The following CTNNA2 variants were observed in gnomAD, a reference collection of about 807,000 sequenced individuals.
The protein encoded by CTNNA2 is catenin alpha 2.
In CTNNA2, 42 loss-of-function variants were observed where a neutral mutation model predicts 101.0. The observed-to-expected ratio is 0.42, with a 90% CI of 0.32 to 0.54. The LOEUF is 0.54. Among genes scored for constraint, CTNNA2 ranks in the 20% least tolerant of loss-of-function variants. The pLI is 0.14. For synonymous variants in CTNNA2, 450 were observed against 456.4 expected, an observed-to-expected ratio of 0.99 and a Z score of 0.18; for missense variants, 871 against 1,223.1, an observed-to-expected ratio of 0.71 and a Z score of 4.29.
chr2:80,135,276 G>GT (rs1702630484), intron 7 of CTNNA2, among the ~76,000 whole-genome samples: 1 of 152,158 alleles, frequency 6.6e-6, no homozygotes, highest in Non-Finnish European at 1.5e-5. Flanking sequence ...TGGCAGGAAG[G>GT]CCTGACAAAT....
chr2:80,460,322 T>C (rs1684321002), intron 9 of CTNNA2, among the ~76,000 whole-genome samples: 1 of 152,068 alleles, frequency 6.6e-6, no homozygotes, highest in Non-Finnish European at 1.5e-5. Flanking sequence ...TGGAGAATTA[T>C]AGCACATATT....
intron 1 of CTNNA2, among the ~76,000 whole-genome samples, chr2:79,554,232 G>A (rs1223519981): frequency 6.6e-6 from 1 of 151,396 alleles, no homozygotes. Context: ...ACACAAATCT[G>A]TATTTGAAAG....
chr2:79,651,460 C>G, intron 1 of CTNNA2, 92 bp from the exon 2 acceptor site: 2 of 1,223,196 alleles, frequency 1.6e-6, no homozygotes, highest in South Asian at 1.3e-5. Flanking sequence ...CCAGTATGTT[C>G]TAAGTTTCAG....
At chr2:79,248,389 T>TATATTCTATATATATATTATA (rs1674724889) in intron 2 of CTNNA2, among the ~76,000 whole-genome samples, 1 of 151,644 alleles carries the variant, frequency 6.6e-6, no homozygotes, top group Admixed American at 6.6e-5. Context: ...AAAAGTATAA[T>TATATTCTATATATATATTATA]TTCTATATAT....
chr2:79,441,716 C>A (rs1296898548), intron 4 of CTNNA2, among the ~76,000 whole-genome samples: 2 of 152,106 alleles, frequency 1.3e-5, no homozygotes, highest in African/African-American at 4.8e-5. Context: ...ATATGAGATG[C>A]CCTTTCCCTC....
chr2:79,677,110 G>A (rs1472532384), intron 2 of CTNNA2, among the ~76,000 whole-genome samples: 2 of 152,072 alleles, frequency 1.3e-5, no homozygotes, highest in African/African-American at 4.8e-5. Context: ...TTTTGCACTT[G>A]TTTTCAAATA....
At chr2:80,131,511 T>A (rs1702413340) in intron 7 of CTNNA2, among the ~76,000 whole-genome samples, 1 of 152,190 alleles carries the variant, frequency 6.6e-6, no homozygotes, top group Admixed American at 6.5e-5. Flanking sequence ...TTCTAAGAGA[T>A]TTTTGTTCTT....
intron 7 of CTNNA2, among the ~76,000 whole-genome samples, chr2:79,999,379 C>A (rs986662669): frequency 3.3e-5 from 5 of 152,186 alleles, no homozygotes; most frequent in Admixed American, 1.3e-4. Flanking sequence ...CTCTCCTATA[C>A]TAAAGCCTCA....
At chr2:80,444,045 A>G (rs1366297418) in intron 9 of CTNNA2, among the ~76,000 whole-genome samples, 1 of 152,190 alleles carries the variant, frequency 6.6e-6, no homozygotes, top group South Asian at 2.1e-4. Context: ...GCTTAGTTCA[A>G]ACTCTGATCT....
At chr2:80,010,960 G>A (rs922178786) in intron 7 of CTNNA2, among the ~76,000 whole-genome samples, 8 of 152,074 alleles carry the variant, frequency 5.3e-5, no homozygotes, top group African/African-American at 1.9e-4. Flanking sequence ...GGAATCAATG[G>A]CATCATTGAG....
At chr2:80,255,578 T>C (rs899916758) in intron 7 of CTNNA2, among the ~76,000 whole-genome samples, 1 of 152,196 alleles carries the variant, frequency 6.6e-6, no homozygotes, top group African/African-American at 2.4e-5. Context: ...AGAGAAAATT[T>C]GTCCATCAAA....
At chr2:79,636,935 T>G (rs533835451) in intron 1 of CTNNA2, 1 of 152,320 alleles carries the variant, frequency 6.6e-6, no homozygotes, top group East Asian at 1.9e-4. Flanking sequence ...CACATCTTTC[T>G]AATTTTAGTA....
At chr2:80,403,355 G>A (rs1678741585) in intron 8 of CTNNA2, among the ~76,000 whole-genome samples, 1 of 152,122 alleles carries the variant, frequency 6.6e-6, no homozygotes, top group Non-Finnish European at 1.5e-5. Context: ...TCCTTTCACA[G>A]TAGTGACAAA....
intron 2 of CTNNA2, among the ~76,000 whole-genome samples, chr2:79,718,169 A>G (rs1686231942): frequency 6.6e-6 from 1 of 152,128 alleles, no homozygotes; most frequent in African/African-American, 2.4e-5. Flanking sequence ...GCAACTACAT[A>G]CTCTGATTTC....
intron 7 of CTNNA2, among the ~76,000 whole-genome samples, chr2:80,117,360 C>G (rs2148871754): frequency 6.6e-6 from 1 of 152,204 alleles, no homozygotes; most frequent in Non-Finnish European, 1.5e-5. Flanking sequence ...GATGATCTCA[C>G]TGACTCACCT....
At chr2:79,490,395 C>T (rs2104564050) in intron 4 of CTNNA2, among the ~76,000 whole-genome samples, 1 of 152,216 alleles carries the variant, frequency 6.6e-6, no homozygotes, top group East Asian at 1.9e-4. Context: ...TGCTGCACAT[C>T]CAATCCTGTG....
intron 9 of CTNNA2, among the ~76,000 whole-genome samples, chr2:80,485,632 C>A (rs1273715924): frequency 6.6e-6 from 1 of 152,108 alleles, no homozygotes; most frequent in Non-Finnish European, 1.5e-5. Context: ...AAGGTTTTAA[C>A]CTTTAGTTTT....
chr2:79,731,187 T>G (rs1687172714), intron 2 of CTNNA2, among the ~76,000 whole-genome samples: 1 of 151,986 alleles, frequency 6.6e-6, no homozygotes, highest in Non-Finnish European at 1.5e-5. Flanking sequence ...CTATACTTAG[T>G]AGGAACAAAT....
At chr2:79,672,241 T>G (rs1337472767) in intron 2 of CTNNA2, among the ~76,000 whole-genome samples, 2 of 152,244 alleles carry the variant, frequency 1.3e-5, no homozygotes, top group Non-Finnish European at 2.9e-5. Context: ...TCAGCCGTTA[T>G]TTAATACATC....
Sources: gnomAD v4.1 joint callset for allele counts (sites outside exome capture counted in the v4.1 genomes callset) on GRCh38, gnomAD v4.1.1 for gene constraint, MANE v1.5 for transcripts, NCBI Gene and HGNC (gene_info 2026-07-23, HGNC 2026-07-21) for gene names.